The following FILIP1L variants were observed in gnomAD, a reference collection of about 807,000 sequenced individuals.
FILIP1L encodes the protein filamin A-interacting protein 1-like.
FILIP1L carries 55 observed loss-of-function variants against 96.6 expected under a neutral mutation model. The ratio of observed to expected loss-of-function variants is 0.57; its 90% CI spans 0.46 to 0.71. The LOEUF (loss-of-function observed/expected upper bound fraction) is 0.71, where lower values mean the gene tolerates loss of function less well. Among genes scored for constraint, FILIP1L ranks in the 30% least tolerant of loss-of-function variants. The pLI is 0.00. For synonymous variants in FILIP1L, 467 were observed against 473.9 expected (o/e 0.99, Z 0.19); for missense variants, 1,304 against 1,321.2 (o/e 0.99, Z 0.20).
chr3:100,113,684 T>A (rs1256634804), intron 1 of FILIP1L, among the ~76,000 whole-genome samples: 1 of 152,214 alleles, frequency 6.6e-6, no homozygotes, highest in Admixed American at 6.5e-5. Context: ...ATCATTCACA[T>A]CAGCTTACAA....
chr3:100,014,895 C>CTTTTTTTTTTTTTTTTTTTTTT (rs1233573719), intron 1 of FILIP1L, among the ~76,000 whole-genome samples: 23 of 25,006 alleles, frequency 9.2e-4, no homozygotes, highest in South Asian at 2.0e-3. Context: ...TTCTTTCTTT[C>CTTTTTTTTTTTTTTTTTTTTTT]TTTTTTTTTT....
intron 1 of FILIP1L, among the ~76,000 whole-genome samples, chr3:100,059,854 C>A (rs557241440): frequency 4.6e-5 from 7 of 152,306 alleles, no homozygotes; most frequent in African/African-American, 1.7e-4. Context: ...AATTCATATT[C>A]TTCAAAAACA....
chr3:99,973,866 C>G (rs1708893764), intron 1 of FILIP1L, among the ~76,000 whole-genome samples: 1 of 152,062 alleles, frequency 6.6e-6, no homozygotes, highest in South Asian at 2.1e-4. Flanking sequence ...GATGGTTGCT[C>G]TAAGTTTTAG....
chr3:100,025,051 G>A (rs1286251252), intron 1 of FILIP1L, among the ~76,000 whole-genome samples: 6 of 152,110 alleles, frequency 3.9e-5, no homozygotes, highest in South Asian at 2.1e-4. Context: ...TAATTAACAC[G>A]CATTTTTCTT....
At chr3:99,861,043 T>C (rs1191799006) in intron 4 of FILIP1L, among the ~76,000 whole-genome samples, 2 of 152,156 alleles carry the variant, frequency 1.3e-5, no homozygotes. Flanking sequence ...AGTCTACTCA[T>C]TTTTCTCACT....
intron 1 of FILIP1L, among the ~76,000 whole-genome samples, chr3:100,057,021 G>T (rs941657283): frequency 2.6e-5 from 4 of 151,988 alleles, no homozygotes; most frequent in African/African-American, 9.7e-5. Context: ...AAAGAATTGG[G>T]CAAGTGATTT....
chr3:99,959,236 A>G (rs943157563), intron 1 of FILIP1L, among the ~76,000 whole-genome samples: 76 of 152,150 alleles, frequency 5.0e-4, no homozygotes, highest in Non-Finnish European at 5.6e-4. Flanking sequence ...GCAACCTCCA[A>G]CTCCCAGGTT....
intron 1 of FILIP1L, among the ~76,000 whole-genome samples, chr3:100,034,741 T>C (rs2065078570): frequency 6.6e-6 from 1 of 152,238 alleles, no homozygotes; most frequent in Admixed American, 6.5e-5. Context: ...TAAAGAATAT[T>C]AGTGTCAGTT....
Position 99,850,078 on chromosome 3 carries a change from G to C in FILIP1L, c.1598C>G (p.Thr533Arg). Residue 533 changes from threonine to arginine, a missense_variant, in exon 5 of 6, where the codon ACA becomes AGA. Thr to Arg is a moderately conservative substitution (Grantham distance 71). Transcript: ENST00000477258. ...CTCAATTAACTTCTCAGTAACTGTT[G>C]TTACTTTATTTTGCTCCACTTGAAG... ...SQLQVEQNKV[T>R]TVTEKLIEET... 1 of 1,612,784 alleles carries C rather than the reference G, an allele frequency of 6.2e-7. No individual in the cohort carries two copies. The highest frequency in any genetic ancestry group is 8.5e-7 in the Non-Finnish European group (1 of 1,179,742).
intron 1 of FILIP1L, among the ~76,000 whole-genome samples, chr3:100,035,039 G>A (rs937011698): frequency 2.0e-5 from 3 of 152,084 alleles, no homozygotes; most frequent in Admixed American, 2.0e-4. Flanking sequence ...TCTCCAGATA[G>A]CTTGAAGACC....
chr3:100,021,271 T>G (rs996481440), intron 1 of FILIP1L, among the ~76,000 whole-genome samples: 3 of 152,212 alleles, frequency 2.0e-5, no homozygotes, highest in South Asian at 2.1e-4. Flanking sequence ...TCTCCTTATA[T>G]ATAATAAGTT....
At chr3:99,980,772 AG>A (rs1709096995) in intron 1 of FILIP1L, among the ~76,000 whole-genome samples, 1 of 152,110 alleles carries the variant, frequency 6.6e-6, no homozygotes, top group Non-Finnish European at 1.5e-5. Context: ...TATTAGTTAC[AG>A]GTGTGACTTG....
At position 99,983,422 on chromosome 3, in the gene FILIP1L, A is replaced by ATATG. The variant is rs1559713456; in HGVS notation, c.-10-52393_-10-52392insCATA. Among the ~76,000 whole-genome samples, 429 of 86,888 alleles carry ATATG rather than the reference A, an allele frequency of 4.9e-3. 11 individuals are homozygous for ATATG. The highest frequency in any genetic ancestry group is 8.1e-3 in the Non-Finnish European group (374 of 46,022). The allele number at this position is 86,888 out of a possible 152,430, so 57.0% of individuals were successfully genotyped here. A position where few individuals can be genotyped will look rare whatever the true frequency, so the allele number is the denominator to read the frequency against. ...TATATATATATATATATATATATGT[A>ATATG]TGTATGTATGTATATATATGTATGT... On this transcript the variant is annotated intron_variant, in intron 1 of 5. Coordinates refer to ENST00000477258, the MANE Select transcript of FILIP1L (RefSeq NM_001387850.1).
intron 1 of FILIP1L, among the ~76,000 whole-genome samples, chr3:100,112,500 A>T (rs2066508390): frequency 6.6e-6 from 1 of 152,210 alleles, no homozygotes; most frequent in Non-Finnish European, 1.5e-5. Flanking sequence ...GACTAAATTT[A>T]TTACTTAAAT....
chr3:99,975,817 G>A (rs371586364), intron 1 of FILIP1L, among the ~76,000 whole-genome samples: 1 of 152,308 alleles, frequency 6.6e-6, no homozygotes, highest in East Asian at 1.9e-4. Flanking sequence ...TAGAAGGAAA[G>A]TTTAGAACAA....
intron 1 of FILIP1L, among the ~76,000 whole-genome samples, chr3:100,053,006 G>A (rs186587412): frequency 5.3e-5 from 8 of 152,100 alleles, no homozygotes; most frequent in Admixed American, 1.3e-4. Flanking sequence ...GGAGTTGTTC[G>A]CCTGCTCTCC....
At chr3:99,862,653 T>A (rs144930041) in intron 4 of FILIP1L, among the ~76,000 whole-genome samples, 1 of 152,192 alleles carries the variant, frequency 6.6e-6, no homozygotes, top group Non-Finnish European at 1.5e-5. Context: ...CTACTGAATG[T>A]CTCCAGACAT....
chr3:99,940,387 G>T (rs1438728507), intron 1 of FILIP1L, among the ~76,000 whole-genome samples: 2 of 152,164 alleles, frequency 1.3e-5, no homozygotes, highest in Non-Finnish European at 2.9e-5. Context: ...TCATGCTCTG[G>T]TTTTTCTTAG....
chr3:99,880,315 C>G (rs185598890), intron 4 of FILIP1L, among the ~76,000 whole-genome samples: 1 of 152,084 alleles, frequency 6.6e-6, no homozygotes, highest in Non-Finnish European at 1.5e-5. Flanking sequence ...ACCATATCTC[C>G]GCACTTAAAC....
Sources: gnomAD v4.1 joint callset for allele counts (sites outside exome capture counted in the v4.1 genomes callset) on GRCh38, gnomAD v4.1.1 for gene constraint, MANE v1.5 for transcripts, NCBI Gene and HGNC (gene_info 2026-07-23, HGNC 2026-07-21) for gene names.